The following CCL26 variants were observed in gnomAD, a reference collection of about 807,000 sequenced individuals.
CCL26 encodes the protein C-C motif chemokine 26.
CCL26 carries 10 observed loss-of-function variants against 10.7 expected under a neutral mutation model. That is an observed-to-expected ratio of 0.93 (90% confidence interval 0.57 to 1.58). The LOEUF is 1.58. CCL26 is among the 40% of genes most tolerant of loss of function. The pLI is 0.00. For missense variants in CCL26, 116 were observed against 111.0 expected (o/e 1.05, Z -0.20); for synonymous variants, 43 against 41.4 (o/e 1.04, Z -0.15).
At chr7:75,784,721 C>G (rs1286838737) in intron 1 of CCL26, among the ~76,000 whole-genome samples, 5 of 152,122 alleles carry the variant, frequency 3.3e-5, no homozygotes, top group Non-Finnish European at 7.4e-5. Context: ...GCTTCCCTGA[C>G]TATTCCTGGG....
intron 1 of CCL26, among the ~76,000 whole-genome samples, chr7:75,779,187 C>T (rs550430143): frequency 6.6e-6 from 1 of 152,212 alleles, no homozygotes; most frequent in African/African-American, 2.4e-5. Context: ...ATAAAACAGC[C>T]CCACCCCTAT....
At chr7:75,778,043 T>G (rs1027675680) in intron 1 of CCL26, among the ~76,000 whole-genome samples, 27 of 152,120 alleles carry the variant, frequency 1.8e-4, no homozygotes, top group South Asian at 2.1e-4. Context: ...CAATTACCTT[T>G]GATAGGTACC....
At chr7:75,779,124 C>T (rs1803005172) in intron 1 of CCL26, among the ~76,000 whole-genome samples, 1 of 152,206 alleles carries the variant, frequency 6.6e-6, no homozygotes, top group East Asian at 1.9e-4. Flanking sequence ...CACCCCTGCC[C>T]GCCAGAGAAC....
intron 1 of CCL26, among the ~76,000 whole-genome samples, chr7:75,779,676 G>A (rs1417576202): frequency 2.6e-5 from 4 of 152,294 alleles, no homozygotes; most frequent in East Asian, 1.9e-4. Flanking sequence ...GTTTAATCAC[G>A]CGGGGACGCG....
intron 1 of CCL26, among the ~76,000 whole-genome samples, chr7:75,782,396 G>A (rs782555498): frequency 1.3e-5 from 2 of 152,062 alleles, no homozygotes; most frequent in Non-Finnish European, 2.9e-5. Context: ...TCCCTTGGTG[G>A]CAAGTCAATT....
chr7:75,777,710 A>T (rs1802970512), intron 1 of CCL26, among the ~76,000 whole-genome samples: 1 of 103,846 alleles, frequency 9.6e-6, no homozygotes, highest in African/African-American at 3.8e-5. Flanking sequence ...ACAGAGTGAG[A>T]TCCTGTCTCA....
rs1372703937 is a variant in CCL26 at position 75,781,738 on chromosome 7, C to T, written c.-79+7979G>A. Reference sequence around the variant, plus strand: ...CCCCCACTGAGCATCTTGTGACCCCCGCCCCTGCCCGCCAGAGAACAACCC... The same window carrying T: ...CCCCCACTGAGCATCTTGTGACCCCTGCCCCTGCCCGCCAGAGAACAACCC... On this transcript the variant is annotated intron_variant, in intron 1 of 3. Transcript: ENST00000394905. 2.6e-5 allele frequency among the ~76,000 whole-genome samples: 4 copies of T among 152,244 alleles called. 1 individual carries two copies.
intron 1 of CCL26, among the ~76,000 whole-genome samples, chr7:75,785,291 G>C (rs571281241): frequency 6.6e-6 from 1 of 152,106 alleles, no homozygotes; most frequent in African/African-American, 2.4e-5. Context: ...CTACCGCAAG[G>C]CTTCAGGGAC....
upstream of CCL26, chr7:75,772,250 C>A: frequency 9.1e-6 from 10 of 1,101,366 alleles, no homozygotes; most frequent in Non-Finnish European, 1.3e-5. Context: ...GAGACTGAGA[C>A]GGCCCTGAAA....
rs549357367 is a variant in CCL26, at chr7:75,782,738, C to A, written c.-79+6979G>T. ...TAGATAATTTTTGTCGAAAAATGGG[C>A]AAATGGCCTGAGGTGCCTGACGTCC... On this transcript the variant is annotated intron_variant, in intron 1 of 3. Transcript: ENST00000394905. Among the ~76,000 whole-genome samples the A allele has an allele frequency of 2.6e-5, 4 of 152,202 alleles. No homozygotes were observed. In the East Asian group the frequency reaches 5.8e-4, roughly 22 times the overall value.
At chr7:75,773,009 T>C (rs1554528336), upstream of CCL26, among the ~76,000 whole-genome samples, 2 of 151,436 alleles carry the variant, frequency 1.3e-5, no homozygotes, top group Admixed American at 6.6e-5. Flanking sequence ...GATGTGATCA[T>C]AGAGTAGCCC....
At chr7:75,785,295 C>T (rs1803159488) in intron 1 of CCL26, among the ~76,000 whole-genome samples, 1 of 152,174 alleles carries the variant, frequency 6.6e-6, no homozygotes, top group African/African-American at 2.4e-5. Flanking sequence ...CGCAAGGCTT[C>T]AGGGACAGCC....
chr7:75,780,781 C>T (rs73357665), intron 1 of CCL26, among the ~76,000 whole-genome samples: 29,457 of 151,878 alleles, frequency 0.19, 3,212 homozygotes, highest in Admixed American at 0.35. Context: ...GACCTCTCCC[C>T]TCCTCCACAG....
At chr7:75,773,209 T>C (rs1235681130), upstream of CCL26, among the ~76,000 whole-genome samples, 6 of 151,820 alleles carry the variant, frequency 4.0e-5, no homozygotes, top group Non-Finnish European at 7.4e-5. Context: ...AAATAATATA[T>C]ATATATAGTG....
At chr7:75,783,063 C>T (rs549331302) in intron 1 of CCL26, among the ~76,000 whole-genome samples, 4 of 152,138 alleles carry the variant, frequency 2.6e-5, no homozygotes, top group South Asian at 2.1e-4. Flanking sequence ...TAGCCCTCCC[C>T]GACCTGTCCA....
At chr7:75,779,196 A>G (rs1554529124) in intron 1 of CCL26, among the ~76,000 whole-genome samples, 1 of 151,072 alleles carries the variant, frequency 6.6e-6, no homozygotes. Flanking sequence ...CCCCACCCCT[A>G]TCTCCCTTCG....
upstream of CCL26, among the ~76,000 whole-genome samples, chr7:75,791,013 C>CTTTTTTTTTTTTTTTTTTT (rs35608337): frequency 2.2e-5 from 3 of 134,350 alleles, no homozygotes; most frequent in Admixed American, 7.6e-5. Context: ...GAAACTCCTC[C>CTTTTTTTTTTTTTTTTTTT]TTTTTTTTTT....
At position 75,772,079 on chromosome 7, in the gene CCL26, G is replaced by A. The variant is rs374442128; in HGVS notation, c.73+25C>T. The A allele has an allele frequency of 1.1e-5, 17 of 1,603,942 alleles. No individual in the cohort carries two copies. The East Asian group carries it at 1.6e-4, about 15-fold the overall frequency. ...CCAGGCGGTCCGGGAAGGAACCCCA[G>A]GAGGGGAATGGGCCAGCTACGTACG... On this transcript the variant is annotated intron_variant, in intron 1 of 2. Transcript: ENST00000005180.
At chr7:75,772,041 T>A (rs1585008832) in intron 1 of CCL26, 38 bp from the exon 2 acceptor site, 1 of 1,603,684 alleles carries the variant, frequency 6.2e-7, no homozygotes, top group East Asian at 2.2e-5. Context: ...GAGATACTCA[T>A]TTCCATCCAC....
Sources: gnomAD v4.1 joint callset for allele counts (sites outside exome capture counted in the v4.1 genomes callset) on GRCh38, gnomAD v4.1.1 for gene constraint, MANE v1.5 for transcripts, NCBI Gene and HGNC (gene_info 2026-07-23, HGNC 2026-07-21) for gene names.